Variants in SLC47A2 observed in about 807,000 individuals in gnomAD.
SLC47A2 encodes the protein solute carrier family 47 member 2.
In SLC47A2, 52 loss-of-function variants were observed where a neutral mutation model predicts 67.7. The observed-to-expected ratio is 0.77, with a 90% confidence interval of 0.61 to 0.97. The LOEUF is 0.97. Among genes scored for constraint, SLC47A2 ranks in the 50% least tolerant of loss-of-function variants. The pLI is 0.00. For missense variants in SLC47A2, 676 were observed against 712.3 expected (o/e 0.95, Z 0.58); for synonymous variants, 278 against 292.9 (o/e 0.95, Z 0.52).
At chr17:19,692,631 T>G (rs974941428) in intron 13 of SLC47A2, among the ~76,000 whole-genome samples, 1 of 152,224 alleles carries the variant, frequency 6.6e-6, no homozygotes, top group Admixed American at 6.5e-5. Context: ...TGTCAGTTCT[T>G]CACAAACTCT....
At chr17:19,681,222 CAAACA>C in intron 15 of SLC47A2, 140 bp downstream of exon 15, 4 of 677,880 alleles carry the variant, frequency 5.9e-6, no homozygotes, top group Admixed American at 3.0e-5. Flanking sequence ...CACAAACAAA[CAAACA>C]AAAAAAAAAA....
intron 9 of SLC47A2, among the ~76,000 whole-genome samples, 188 bp downstream of exon 9, chr17:19,706,460 C>T (rs927396134): frequency 3.9e-5 from 6 of 152,222 alleles, no homozygotes; most frequent in African/African-American, 1.4e-4. Flanking sequence ...ACGGATCAGC[C>T]CCGCTGGGCA....
At chr17:19,702,100 C>A (rs971039442) in intron 13 of SLC47A2, 4 of 977,144 alleles carry the variant, frequency 4.1e-6, no homozygotes, top group Non-Finnish European at 4.9e-6. Context: ...CAAAGCGAGA[C>A]CCTGTCTCAA....
At chr17:19,700,996 T>G (rs1310633674) in intron 13 of SLC47A2, among the ~76,000 whole-genome samples, 12 of 151,206 alleles carry the variant, frequency 7.9e-5, no homozygotes, top group Non-Finnish European at 1.3e-4. Context: ...GGTGAAACCC[T>G]GTCTCTACTA....
At chr17:19,678,973 C>T (rs1471354435) in intron 16 of SLC47A2, 67 bp from the exon 17 acceptor site, 20 of 1,415,226 alleles carry the variant, frequency 1.4e-5, no homozygotes, top group East Asian at 7.5e-5. Flanking sequence ...GCCTTGGAAT[C>T]GGGAAACCTA....
intron 5 of SLC47A2, 110 bp from the exon 6 acceptor site, chr17:19,708,870 CT>C (rs1204888623): frequency 1.5e-6 from 2 of 1,363,138 alleles, no homozygotes; most frequent in African/African-American, 1.4e-5. Context: ...GGGGAAATTA[CT>C]TCATCAAAGT....
At chr17:19,694,307 G>A (rs995227629) in intron 13 of SLC47A2, among the ~76,000 whole-genome samples, 6 of 152,156 alleles carry the variant, frequency 3.9e-5, no homozygotes, top group Non-Finnish European at 7.4e-5. Context: ...GGACCTAAAA[G>A]AGTCAAAAGA....
chr17:19,707,972 G>A (rs2085989865), intron 7 of SLC47A2, 129 bp from the exon 8 acceptor site: 3 of 917,860 alleles, frequency 3.3e-6, no homozygotes, highest in East Asian at 5.3e-5. Context: ...CCCATCCTGG[G>A]ATCAGACTCA....
intron 13 of SLC47A2, among the ~76,000 whole-genome samples, chr17:19,686,846 G>C (rs2152341095): frequency 6.6e-6 from 1 of 152,256 alleles, no homozygotes; most frequent in East Asian, 1.9e-4. Flanking sequence ...TACAATAATA[G>C]CTAGAGATTT....
chr17:19,706,694 C>T lies in SLC47A2; in HGVS notation c.795G>A (p.Met265Ile). The change falls in exon 9 of 17, where the codon ATG becomes ATA. Residue 265 changes from methionine (M) to isoleucine (I), a missense_variant. By Grantham distance (10) the Met-to-Ile change is conservative. Coordinates refer to ENST00000433844, the MANE Select transcript of SLC47A2 (RefSeq NM_001099646.3). ...FFSLAVPSML[M>I]ICVEWWAYEI... Reference sequence around the variant, plus strand: ...CATAGGCCCACCACTCAACACAGATCATGAGCATGCTGGGGACAGCCAGGG... The same window carrying T: ...CATAGGCCCACCACTCAACACAGATTATGAGCATGCTGGGGACAGCCAGGG... 6.2e-7 allele frequency: 1 copy of T among 1,611,338 alleles called. No individual in the cohort carries two copies.
intron 13 of SLC47A2, among the ~76,000 whole-genome samples, chr17:19,689,315 T>A (rs2085490869): frequency 6.6e-6 from 1 of 152,220 alleles, no homozygotes; most frequent in Non-Finnish European, 1.5e-5. Context: ...CATTTCTGTA[T>A]GCCAACAGCA....
rs545430895 is a variant in SLC47A2, at chr17:19,702,548, C to G, written c.1164+57G>C. 107 of 1,605,292 alleles carry G rather than the reference C, an allele frequency of 6.7e-5. 1 individual carries two copies. The South Asian group carries it at 1.2e-3, about 17-fold the overall frequency. On this transcript the variant is annotated intron_variant, in intron 13 of 16. Coordinates refer to ENST00000433844, the MANE Select transcript of SLC47A2 (RefSeq NM_001099646.3). ...CAGCCCTGCGAGGTCCTGGGGAGGG[C>G]ACAAGTACATAAATCATGTCCCAGG... is the stretch of plus-strand genomic sequence containing the variant.
chr17:19,706,836 G>A (rs767027491), intron 8 of SLC47A2, 75 bp from the exon 9 acceptor site: 148 of 1,170,550 alleles, frequency 1.3e-4, no homozygotes, highest in Admixed American at 5.4e-4. Context: ...CTGCCAGGAG[G>A]CCCCTAAACC....
At chr17:19,714,925 T>C in intron 2 of SLC47A2, 136 bp from the exon 3 acceptor site, 2 of 1,336,162 alleles carry the variant, frequency 1.5e-6, no homozygotes, top group South Asian at 1.2e-5. Flanking sequence ...AGCAGCCTCA[T>C]GTGCTGTGTG....
intron 13 of SLC47A2, among the ~76,000 whole-genome samples, chr17:19,697,956 A>G (rs2085702160): frequency 6.6e-6 from 1 of 152,124 alleles, no homozygotes; most frequent in South Asian, 2.1e-4. Flanking sequence ...CTACATATGA[A>G]TGAATGATAA....
rs954695981 is a variant in SLC47A2 at position 19,685,897 on chromosome 17, T to TA, written c.1165-4228dup. Among the ~76,000 whole-genome samples the TA allele has an allele frequency of 3.9e-5, 6 of 152,216 alleles. No individual in the cohort carries two copies. The highest frequency in any genetic ancestry group is 1.4e-4 in the African/African-American group (6 of 41,458). On this transcript the variant is annotated intron_variant, in intron 13 of 16. Transcript: ENST00000433844. The surrounding 1 kb of genome is among the most constrained non-coding windows in gnomAD (Gnocchi z 4.5). ...GTTAAGAAACAGCAGGGGATGAAGT[T>TA]AAAGTTTTTCTTAATTTTCTCTGCT...
intron 5 of SLC47A2, among the ~76,000 whole-genome samples, chr17:19,711,262 TA>T (rs1319389621): frequency 6.6e-6 from 1 of 152,064 alleles, no homozygotes; most frequent in Non-Finnish European, 1.5e-5. Flanking sequence ...ATTCACATAA[TA>T]AGTACATGAG....
rs774011448 is a variant in SLC47A2 at position 19,707,824 on chromosome 17, T to C, written c.649A>G (p.Ile217Val). ...LGVRGSAYAN[I>V]ISQFAQTVFL... ...ACGGTCTGTGCAAACTGGGAGATGA[T>C]GTTGGCATAGGCGGAGCCCCTGGGT... The change falls in exon 8 of 17, where the codon ATC (isoleucine) becomes GTC (valine). Residue 217 changes from isoleucine (I) to valine (V), a missense_variant. Physicochemically the swap from Ile to Val is conservative, Grantham distance 29. Coordinates refer to ENST00000433844, the MANE Select transcript of SLC47A2 (RefSeq NM_001099646.3). 6 of 1,602,230 alleles carry C rather than the reference T, an allele frequency of 3.7e-6. No individual in the cohort carries two copies. Among genetic ancestry groups the C allele is most frequent in the Admixed American group, 1.7e-5 (1 of 58,536 alleles).
intron 1 of SLC47A2, 183 bp downstream of exon 1, chr17:19,716,250 G>A: frequency 1.0e-6 from 1 of 965,440 alleles, no homozygotes; most frequent in South Asian, 1.9e-5. Flanking sequence ...ACTGCCACTG[G>A]GGATTGTCCA....
Sources: allele counts gnomAD v4.1 joint callset (sites outside exome capture counted in the v4.1 genomes callset), GRCh38; gene constraint gnomAD v4.1.1; non-coding constraint Gnocchi (gnomAD v3.1); transcripts MANE v1.5; gene names NCBI Gene and HGNC (gene_info 2026-07-23, HGNC 2026-07-21).